MECOM: variants seen among roughly 807,000 people sequenced by gnomAD.
The protein encoded by MECOM is histone-lysine N-methyltransferase MECOM.
In MECOM, 13 loss-of-function variants were observed where a neutral mutation model predicts 116.3. That is an observed-to-expected ratio of 0.11 (90% CI 0.07 to 0.18). The LOEUF (loss-of-function observed/expected upper bound fraction) is 0.18. Ranked by LOEUF, MECOM falls within the 10% of genes least tolerant of loss-of-function variation. The pLI is 1.00. For synonymous variants in MECOM, 528 were observed against 535.2 expected, an observed-to-expected ratio of 0.99 and a Z score of 0.19; for missense variants, 1,299 against 1,509.0, an observed-to-expected ratio of 0.86 and a Z score of 2.31.
intron 2 of MECOM, among the ~76,000 whole-genome samples, chr3:169,162,895 C>A (rs902894672): frequency 6.6e-6 from 1 of 152,056 alleles, no homozygotes; most frequent in Non-Finnish European, 1.5e-5. Context: ...TAATTACTAA[C>A]ACACTAAAGG....
chr3:169,576,834 CACACAG>C (rs1388629946), intron 1 of MECOM, among the ~76,000 whole-genome samples: 307 of 92,112 alleles, frequency 3.3e-3, no homozygotes, highest in Non-Finnish European at 5.3e-3. Context: ...CACACACACA[CACACAG>C]AGAGAGAGAG....
chr3:169,360,334 A>G (rs1577849642), intron 2 of MECOM, among the ~76,000 whole-genome samples: 4 of 136,276 alleles, frequency 2.9e-5, no homozygotes, highest in East Asian at 2.2e-4. Context: ...AAAAAAAAGA[A>G]AAAAAAAAAG....
At chr3:169,397,382 A>G (rs947055852) in intron 1 of MECOM, among the ~76,000 whole-genome samples, 3 of 152,232 alleles carry the variant, frequency 2.0e-5, no homozygotes, top group Non-Finnish European at 4.4e-5. Context: ...GCAATATTTA[A>G]TGATAGACGA....
chr3:169,536,347 C>CT (rs10634392), intron 1 of MECOM, among the ~76,000 whole-genome samples: 31,050 of 115,964 alleles, frequency 0.27, 5,483 homozygotes, highest in African/African-American at 0.49. Context: ...AATGTCTCTC[C>CT]TTTTTTTTTT....
At chr3:169,201,985 C>G (rs768673795) in intron 2 of MECOM, among the ~76,000 whole-genome samples, 1 of 152,062 alleles carries the variant, frequency 6.6e-6, no homozygotes, top group Non-Finnish European at 1.5e-5. Flanking sequence ...GCAGTCCTTT[C>G]AGGGGTTCCC....
At chr3:169,528,670 A>G (rs1220638244) in intron 1 of MECOM, among the ~76,000 whole-genome samples, 1 of 152,248 alleles carries the variant, frequency 6.6e-6, no homozygotes, top group Non-Finnish European at 1.5e-5. Flanking sequence ...AACTTCATTT[A>G]TTTACAGATG....
At chr3:169,225,526 G>A (rs561720398) in intron 2 of MECOM, among the ~76,000 whole-genome samples, 5 of 152,140 alleles carry the variant, frequency 3.3e-5, no homozygotes, top group African/African-American at 1.2e-4. Context: ...TCAAAAACAG[G>A]GCCCATACCC....
rs572404066 is a variant in MECOM, at chr3:169,660,074, A to G, written c.37+3262T>C. On this transcript the variant is annotated intron_variant, in intron 1 of 16. Transcript: ENST00000651503. ...GAAGTAAGGTAAGGGTGGCTTCGGT[A>G]TTTCAGGCTTTAGACATGCTGCGCA... 3.3e-5 allele frequency among the ~76,000 whole-genome samples: 5 copies of G among 152,200 alleles called. No homozygotes were observed. The East Asian group carries it at 9.7e-4, about 29-fold the overall frequency.
rs539121843 is a variant in MECOM, at chr3:169,219,818, G to GTA, written c.376-75988_376-75987dup. ...TTTGCTATATATAATAATAGCATGT[G>GTA]TATATATATATAAAATCATCCTAAT... On this transcript the variant is annotated intron_variant, in intron 2 of 16. Transcript: ENST00000651503. Among the ~76,000 whole-genome samples the GTA allele has an allele frequency of 3.2e-3, 469 of 148,588 alleles. 3 individuals carry two copies. Among genetic ancestry groups the GTA allele is most frequent in the African/African-American group, 9.6e-3 (391 of 40,766 alleles).
intron 1 of MECOM, among the ~76,000 whole-genome samples, chr3:169,461,808 A>G (rs1213702523): frequency 6.6e-6 from 1 of 152,188 alleles, no homozygotes; most frequent in Non-Finnish European, 1.5e-5. Context: ...AAGGCATCTT[A>G]TGGGAAATCA....
At chr3:169,194,790 G>A (rs1011599) in intron 2 of MECOM, among the ~76,000 whole-genome samples, 15,288 of 152,028 alleles carry the variant, frequency 0.1, 894 homozygotes, top group South Asian at 0.2. Flanking sequence ...TAGAGCATCC[G>A]CCAAAGTAGT....
chr3:169,213,404 T>C (rs1677909022), intron 2 of MECOM, among the ~76,000 whole-genome samples: 1 of 152,172 alleles, frequency 6.6e-6, no homozygotes, highest in South Asian at 2.1e-4. Context: ...TTTGGCTTTT[T>C]TGCAACTTTC....
At chr3:169,617,847 G>C (rs1001357399) in intron 1 of MECOM, among the ~76,000 whole-genome samples, 1 of 152,150 alleles carries the variant, frequency 6.6e-6, no homozygotes, top group Admixed American at 6.5e-5. Context: ...ACCATGAAGA[G>C]AGTTTCAGGC....
At chr3:169,383,068 A>G (rs569302577) in intron 1 of MECOM, among the ~76,000 whole-genome samples, 1 of 152,164 alleles carries the variant, frequency 6.6e-6, no homozygotes, top group East Asian at 1.9e-4. Flanking sequence ...TTATTGGGCT[A>G]GAAGATAGAA....
intron 1 of MECOM, among the ~76,000 whole-genome samples, chr3:169,417,814 G>A (rs377362263): frequency 1.6e-4 from 25 of 152,028 alleles, no homozygotes; most frequent in Admixed American, 1.1e-3. Flanking sequence ...GTAGGGACAC[G>A]GATGAAATTG....
intron 2 of MECOM, among the ~76,000 whole-genome samples, chr3:169,342,950 C>A (rs926147041): frequency 6.6e-6 from 1 of 152,128 alleles, no homozygotes; most frequent in Non-Finnish European, 1.5e-5. Flanking sequence ...TGGACCCTTT[C>A]CCACTGTCAC....
chr3:169,551,244 T>C (rs1344670317), intron 1 of MECOM, among the ~76,000 whole-genome samples: 1 of 152,172 alleles, frequency 6.6e-6, no homozygotes, highest in East Asian at 1.9e-4. Flanking sequence ...TACTTCTATG[T>C]GCACCATCCA....
chr3:169,365,100 G>A (rs749787231), intron 2 of MECOM, among the ~76,000 whole-genome samples: 118 of 151,934 alleles, frequency 7.8e-4, no homozygotes, highest in Admixed American at 1.5e-3. Flanking sequence ...TAATGACTTG[G>A]ATATAAAGTA....
chr3:169,134,894 T>C (rs10936574), intron 3 of MECOM, among the ~76,000 whole-genome samples: 5,059 of 152,240 alleles, frequency 0.033, 270 homozygotes, highest in African/African-American at 0.1. Flanking sequence ...GGGGAAATGA[T>C]GGGATGTCAT....
Sources: allele counts gnomAD v4.1 joint callset (sites outside exome capture counted in the v4.1 genomes callset), GRCh38; gene constraint gnomAD v4.1.1; transcripts MANE v1.5; gene names NCBI Gene and HGNC (gene_info 2026-07-23, HGNC 2026-07-21).